NRXN3: variants seen among roughly 807,000 people sequenced by gnomAD.
The protein encoded by NRXN3 is neurexin III.
NRXN3 carries 32 observed loss-of-function variants against 137.6 expected under a neutral mutation model. The observed-to-expected ratio is 0.23, with a 90% CI of 0.18 to 0.31. The LOEUF (loss-of-function observed/expected upper bound fraction) is 0.31. Ranked by LOEUF, NRXN3 falls within the 10% of genes least tolerant of loss-of-function variation. The pLI is 1.00. For missense variants in NRXN3, 1,574 were observed against 2,062.5 expected (o/e 0.76, Z 4.59); for synonymous variants, 798 against 784.5 (o/e 1.02, Z -0.29).
intron 4 of NRXN3, among the ~76,000 whole-genome samples, chr14:78,541,260 G>A (rs1399369341): frequency 2.6e-5 from 4 of 152,168 alleles, no homozygotes; most frequent in Non-Finnish European, 4.4e-5. Flanking sequence ...CCAATCAGAC[G>A]TAGATTTGGT....
chr14:78,493,847 A>G (rs2095715018), intron 4 of NRXN3, among the ~76,000 whole-genome samples: 2 of 152,216 alleles, frequency 1.3e-5, no homozygotes, highest in Non-Finnish European at 2.9e-5. Flanking sequence ...CTAATATAAA[A>G]CAAAACCTAC....
chr14:79,768,811 A>G lies in NRXN3; in HGVS notation c.4015-36301A>G, dbSNP rs937676576. On this transcript the variant is annotated intron_variant, in intron 19 of 20. Coordinates refer to ENST00000335750, the MANE Select transcript of NRXN3 (RefSeq NM_001330195.2). ...GAGCTGAGAGAAGAAAGCTTCAGAC[A>G]ATCAAATTACTCTGAGCTACGGGAG... Among the ~76,000 whole-genome samples the G allele has an allele frequency of 2.0e-5, 3 of 152,130 alleles. No individual in the cohort carries two copies. In the East Asian group the frequency reaches 5.8e-4, roughly 29 times the overall value.
intron 16 of NRXN3, among the ~76,000 whole-genome samples, chr14:79,625,436 TG>T (rs1233637700): frequency 6.6e-6 from 1 of 152,160 alleles, no homozygotes; most frequent in East Asian, 1.9e-4. Context: ...GACATCTCTA[TG>T]GGGTGCTTAT....
intron 10 of NRXN3, among the ~76,000 whole-genome samples, chr14:78,944,989 T>C (rs1362058477): frequency 6.6e-6 from 1 of 152,202 alleles, no homozygotes; most frequent in African/African-American, 2.4e-5. Flanking sequence ...CTGGCCTAAA[T>C]GATGCCTTAA....
At chr14:78,732,847 T>C (rs1488259209) in intron 8 of NRXN3, among the ~76,000 whole-genome samples, 2 of 152,144 alleles carry the variant, frequency 1.3e-5, no homozygotes, top group Non-Finnish European at 2.9e-5. Context: ...CAGAAAAGGT[T>C]AGTGGGATAA....
chr14:79,789,643 G>A (rs896700686), intron 19 of NRXN3, among the ~76,000 whole-genome samples: 36 of 152,102 alleles, frequency 2.4e-4, no homozygotes, highest in African/African-American at 8.5e-4. Flanking sequence ...ATGCTAAACA[G>A]GCCATGGCAT....
At position 78,967,115 on chromosome 14, in the gene NRXN3, G is replaced by C. The variant is rs1283324092; in HGVS notation, c.2778-93G>C. On this transcript the variant is annotated intron_variant, in intron 12 of 20. Transcript: ENST00000335750. ...TGCATTATGCCAGTTTAGCATGGGG[G>C]ATTTGAAGCCCACTATGTCAGTTAC... 3.9e-6 allele frequency: 4 copies of C among 1,025,366 alleles called. No homozygotes were observed. The Admixed American group carries it at 1.1e-4, about 28-fold the overall frequency. 63.5% of individuals were successfully genotyped at this position (1,025,366 alleles called of 1,614,324 possible).
At chr14:79,411,520 T>C (rs1488820496) in intron 15 of NRXN3, among the ~76,000 whole-genome samples, 2 of 152,200 alleles carry the variant, frequency 1.3e-5, no homozygotes, top group African/African-American at 4.8e-5. Flanking sequence ...TGCTTGTCAC[T>C]GAACACGACT....
At chr14:78,941,977 T>G (rs746858523) in intron 10 of NRXN3, among the ~76,000 whole-genome samples, 1 of 152,068 alleles carries the variant, frequency 6.6e-6, no homozygotes, top group Non-Finnish European at 1.5e-5. Flanking sequence ...CTGAAAAAAC[T>G]TGCTTCTAGG....
chr14:78,492,011 C>T (rs1321754167), intron 4 of NRXN3, among the ~76,000 whole-genome samples: 1 of 152,160 alleles, frequency 6.6e-6, no homozygotes, highest in East Asian at 1.9e-4. Context: ...GTGGGCAACG[C>T]TGACTCTGGG....
At chr14:79,094,044 T>G (rs2049769325) in intron 15 of NRXN3, among the ~76,000 whole-genome samples, 1 of 152,138 alleles carries the variant, frequency 6.6e-6, no homozygotes. Flanking sequence ...CTCACTTGGT[T>G]TGTCTACTCA....
intron 8 of NRXN3, among the ~76,000 whole-genome samples, chr14:78,757,601 G>T (rs1567228938): frequency 6.6e-6 from 1 of 152,114 alleles, no homozygotes; most frequent in Non-Finnish European, 1.5e-5. Flanking sequence ...CTGAAACTCT[G>T]CATTTCCCAA....
At chr14:78,319,875 A>C (rs2079127387) in intron 4 of NRXN3, among the ~76,000 whole-genome samples, 2 of 152,382 alleles carry the variant, frequency 1.3e-5, no homozygotes, top group Middle Eastern at 3.4e-3. Context: ...AAAATGCTTA[A>C]GAAATATAAT....
intron 6 of NRXN3, among the ~76,000 whole-genome samples, chr14:78,707,980 T>C (rs1330901859): frequency 6.6e-6 from 1 of 152,220 alleles, no homozygotes; most frequent in Non-Finnish European, 1.5e-5. Context: ...TTCCACAATT[T>C]TGCAATTGGA....
intron 8 of NRXN3, among the ~76,000 whole-genome samples, chr14:78,738,262 A>G (rs758615009): frequency 5.3e-5 from 8 of 152,224 alleles, no homozygotes; most frequent in African/African-American, 9.6e-5. Flanking sequence ...GAGCTAAGGC[A>G]GGTATCATCC....
intron 11 of NRXN3, among the ~76,000 whole-genome samples, chr14:78,964,012 T>C (rs1597971221): frequency 6.6e-6 from 1 of 152,108 alleles, no homozygotes; most frequent in East Asian, 1.9e-4. Flanking sequence ...CAAGTAATCT[T>C]TCTGTCTCGG....
At chr14:78,227,538 A>G (rs1195256014) in intron 1 of NRXN3, among the ~76,000 whole-genome samples, 1 of 152,128 alleles carries the variant, frequency 6.6e-6, no homozygotes, top group Non-Finnish European at 1.5e-5. Flanking sequence ...TTCTCAGCTC[A>G]CAGCACAGGA....
chr14:79,728,014 T>C (rs937351843), intron 19 of NRXN3, among the ~76,000 whole-genome samples: 1 of 152,134 alleles, frequency 6.6e-6, no homozygotes, highest in Non-Finnish European at 1.5e-5. Context: ...AACTCTCAAA[T>C]TGCTGGCCTC....
chr14:79,722,369 T>G (rs993040187), intron 19 of NRXN3, among the ~76,000 whole-genome samples: 11 of 152,046 alleles, frequency 7.2e-5, no homozygotes, highest in African/African-American at 2.7e-4. Context: ...CAGGATAAAA[T>G]CGAATATCCT....
Sources: allele counts gnomAD v4.1 joint callset (sites outside exome capture counted in the v4.1 genomes callset), GRCh38; gene constraint gnomAD v4.1.1; transcripts MANE v1.5; gene names NCBI Gene and HGNC (gene_info 2026-07-23, HGNC 2026-07-21).